Variants in CDH4 observed in about 807,000 individuals in gnomAD.
The protein encoded by CDH4 is cadherin-4.
CDH4 carries 33 observed loss-of-function variants against 86.0 expected under a neutral mutation model. That is an observed-to-expected ratio of 0.38 (90% CI 0.29 to 0.51). CDH4 has a LOEUF of 0.51. Ranked by LOEUF, CDH4 falls within the 20% of genes least tolerant of loss-of-function variation. The pLI is 0.86. For missense variants in CDH4, 1,114 were observed against 1,307.4 expected (o/e 0.85, Z 2.28); for synonymous variants, 555 against 549.4 (o/e 1.01, Z -0.14).
At chr20:61,715,403 A>G (rs2087942010) in intron 2 of CDH4, among the ~76,000 whole-genome samples, 1 of 152,190 alleles carries the variant, frequency 6.6e-6, no homozygotes, top group Non-Finnish European at 1.5e-5. Flanking sequence ...GGGAAGTCTA[A>G]GGCCATGGCT....
intron 2 of CDH4, among the ~76,000 whole-genome samples, chr20:61,344,254 G>A (rs986387109): frequency 2.6e-5 from 4 of 152,108 alleles, no homozygotes; most frequent in Non-Finnish European, 5.9e-5. Flanking sequence ...ACCCTTTGAT[G>A]GGTTCAGCTG....
chr20:61,610,161 C>G (rs777930102), intron 2 of CDH4, among the ~76,000 whole-genome samples: 8 of 152,192 alleles, frequency 5.3e-5, no homozygotes, highest in Non-Finnish European at 1.0e-4. Flanking sequence ...AGACACACTC[C>G]ACTTTCCCAG....
At chr20:61,713,005 C>A (rs2087909822) in intron 2 of CDH4, among the ~76,000 whole-genome samples, 1 of 152,182 alleles carries the variant, frequency 6.6e-6, no homozygotes, top group African/African-American at 2.4e-5. Context: ...CTTGGCAGTT[C>A]AGAGCAGAAG....
At position 61,313,507 on chromosome 20, in the gene CDH4, CCAGG is replaced by C. The variant is rs201876783; in HGVS notation, c.169+58572_169+58575del. Reference sequence around the variant, plus strand: ...AACCCTGTCGGGAAGCCACCAGGCACCAGGCGTGTCTCACAGTGCATGGACCACT... The same window carrying C: ...AACCCTGTCGGGAAGCCACCAGGCACCGTGTCTCACAGTGCATGGACCACT... On this transcript the variant is annotated intron_variant, in intron 2 of 15. Coordinates refer to ENST00000614565, the MANE Select transcript of CDH4 (RefSeq NM_001794.5). Among the ~76,000 whole-genome samples, 92 of 152,318 alleles carry C rather than the reference CCAGG, an allele frequency of 6.0e-4. 1 individual carries two copies. In the East Asian group the frequency reaches 0.016, roughly 26 times the overall value.
chr20:61,277,658 C>T (rs1001809378), intron 2 of CDH4, among the ~76,000 whole-genome samples: 1 of 152,222 alleles, frequency 6.6e-6, no homozygotes, highest in Admixed American at 6.5e-5. Context: ...CCTGTGTATT[C>T]GGGCTTGCTC....
intron 2 of CDH4, among the ~76,000 whole-genome samples, chr20:61,446,916 A>G (rs1444947192): frequency 3.3e-5 from 5 of 152,176 alleles, no homozygotes; most frequent in African/African-American, 1.2e-4. Context: ...GTGAAGCTGA[A>G]TTTTTATTGC....
intron 2 of CDH4, among the ~76,000 whole-genome samples, chr20:61,509,880 G>T (rs1484795337): frequency 6.6e-6 from 1 of 152,098 alleles, no homozygotes; most frequent in Non-Finnish European, 1.5e-5. Flanking sequence ...TATGCAGCTG[G>T]CATCTCAGGA....
chr20:61,263,732 G>T (rs2084140589), intron 2 of CDH4, among the ~76,000 whole-genome samples: 3 of 152,182 alleles, frequency 2.0e-5, no homozygotes, highest in Admixed American at 2.0e-4. Context: ...CAGAAGTCCA[G>T]CTCCAGTCCC....
intron 3 of CDH4, among the ~76,000 whole-genome samples, chr20:61,746,343 G>C (rs2088414488): frequency 6.6e-6 from 1 of 152,150 alleles, no homozygotes; most frequent in Non-Finnish European, 1.5e-5. Flanking sequence ...AGGAGACCCG[G>C]TCCTCCAGCG....
intron 6 of CDH4, among the ~76,000 whole-genome samples, chr20:61,870,085 A>G (rs1983730525): frequency 6.6e-6 from 1 of 152,004 alleles, no homozygotes; most frequent in African/African-American, 2.4e-5. Flanking sequence ...TGGATCAGTA[A>G]CCCTGAGGTG....
At chr20:61,361,276 T>G (rs1171020566) in intron 2 of CDH4, among the ~76,000 whole-genome samples, 2 of 151,512 alleles carry the variant, frequency 1.3e-5, no homozygotes, top group Admixed American at 6.6e-5. Context: ...CCAAGAGACT[T>G]GCACGCATGG....
chr20:61,772,473 CTATT>C (rs59176160), intron 3 of CDH4, among the ~76,000 whole-genome samples: 2,518 of 152,286 alleles, frequency 0.017, 50 homozygotes, highest in African/African-American at 0.057. Context: ...TGTGAATTAT[CTATT>C]CATGTCCTTT....
At chr20:61,683,259 T>A (rs1216148282) in intron 2 of CDH4, among the ~76,000 whole-genome samples, 4 of 152,198 alleles carry the variant, frequency 2.6e-5, no homozygotes, top group Admixed American at 6.5e-5. Flanking sequence ...ATGTTTCTTA[T>A]AAAATTCTGA....
intron 2 of CDH4, among the ~76,000 whole-genome samples, chr20:61,690,053 G>A (rs1221662422): frequency 2.7e-5 from 4 of 149,598 alleles, no homozygotes; most frequent in Non-Finnish European, 4.5e-5. Flanking sequence ...GTGGTCATCC[G>A]GCAGGGACGG....
At chr20:61,759,781 G>A (rs558317375) in intron 3 of CDH4, among the ~76,000 whole-genome samples, 1 of 152,252 alleles carries the variant, frequency 6.6e-6, no homozygotes, top group African/African-American at 2.4e-5. Flanking sequence ...GGCACTAGGC[G>A]AGACCCGAGA....
At chr20:61,569,489 A>G (rs919999380) in intron 2 of CDH4, among the ~76,000 whole-genome samples, 3 of 152,154 alleles carry the variant, frequency 2.0e-5, no homozygotes, top group Non-Finnish European at 2.9e-5. Flanking sequence ...CTCAGAATAC[A>G]CACAATATTT....
intron 2 of CDH4, among the ~76,000 whole-genome samples, chr20:61,590,488 C>A (rs568093767): frequency 5.0e-4 from 76 of 152,318 alleles, no homozygotes; most frequent in African/African-American, 1.8e-3. Context: ...ATGGCTGACT[C>A]TTTGACAAGA....
At chr20:61,624,495 C>T (rs1235075682) in intron 2 of CDH4, among the ~76,000 whole-genome samples, 2 of 152,334 alleles carry the variant, frequency 1.3e-5, no homozygotes, top group African/African-American at 2.4e-5. Flanking sequence ...CCAGCTCCCC[C>T]TGATCCAGAC....
intron 2 of CDH4, among the ~76,000 whole-genome samples, chr20:61,317,942 G>T (rs79324610): frequency 1.3e-5 from 2 of 152,230 alleles, no homozygotes; most frequent in Admixed American, 1.3e-4. Context: ...CATTGCAACT[G>T]TGAAGTGTTG....
Sources: allele counts gnomAD v4.1 joint callset (sites outside exome capture counted in the v4.1 genomes callset), GRCh38; gene constraint gnomAD v4.1.1; transcripts MANE v1.5; gene names NCBI Gene and HGNC (gene_info 2026-07-23, HGNC 2026-07-21).